Variants in KIAA2012 observed in about 807,000 individuals in gnomAD.
KIAA2012 encodes KIAA2012.
In KIAA2012, 125 loss-of-function variants were observed where a neutral mutation model predicts 150.6. That is an observed-to-expected ratio of 0.83 (90% CI 0.72 to 0.96). The LOEUF is 0.96. KIAA2012 is among the 40% of genes least tolerant of loss of function. The probability of loss-of-function intolerance (pLI) is 0.00; values close to 1 mark genes in which losing one functional copy is unlikely to be tolerated. For missense variants in KIAA2012, 1,219 were observed against 1,354.9 expected, an observed-to-expected ratio of 0.90 and a Z score of 1.57; for synonymous variants, 462 against 504.7, an observed-to-expected ratio of 0.92 and a Z score of 1.13.
At chr2:202,087,271 G>C (rs1689593833) in intron 2 of KIAA2012, among the ~76,000 whole-genome samples, 1 of 152,058 alleles carries the variant, frequency 6.6e-6, no homozygotes, top group Non-Finnish European at 1.5e-5. Context: ...CATGCACTTT[G>C]GGAAGCTGAT....
At chr2:202,145,305 G>A (rs1691272749) in intron 13 of KIAA2012, among the ~76,000 whole-genome samples, 1 of 152,030 alleles carries the variant, frequency 6.6e-6, no homozygotes. Flanking sequence ...TTTGGTTGTG[G>A]AACTTTATTC....
At chr2:202,180,774 G>A (rs368512671) in intron 15 of KIAA2012, among the ~76,000 whole-genome samples, 36 of 152,136 alleles carry the variant, frequency 2.4e-4, no homozygotes, top group Admixed American at 3.3e-4. Flanking sequence ...GTAGTGAGCC[G>A]AGATCGCACC....
In KIAA2012 at chr2:202,175,114, T is replaced by G. The variant is rs915642724; in HGVS notation, c.2120-9639T>G. On this transcript the variant is annotated intron_variant, in intron 15 of 23. Coordinates refer to ENST00000498697, the MANE Select transcript of KIAA2012 (RefSeq NM_001277372.4). Reference sequence around the variant, plus strand: ...CCCTTCCATTTCTTTTTTTTCCCCCTTTTAGTGTATTTGTAGGAAATTGGG... The same window carrying G: ...CCCTTCCATTTCTTTTTTTTCCCCCGTTTAGTGTATTTGTAGGAAATTGGG... 7.2e-5 allele frequency among the ~76,000 whole-genome samples: 11 copies of G among 152,192 alleles called. No individual in the cohort carries two copies. The East Asian group carries it at 9.6e-4, about 13-fold the overall frequency.
Position 202,105,808 on chromosome 2 carries a change from C to A in KIAA2012, c.1372C>A (p.Pro458Thr), listed in dbSNP as rs1690173643. The A allele has an allele frequency of 1.3e-6, 2 of 1,550,566 alleles. No individual in the cohort carries two copies. The highest frequency in any genetic ancestry group is 1.7e-6 in the Non-Finnish European group (2 of 1,147,034). Residue 458 changes from proline (P) to threonine (T), a missense_variant, in exon 9 of 24, where the codon CCT becomes ACT. Coordinates refer to ENST00000498697, the MANE Select transcript of KIAA2012 (RefSeq NM_001277372.4). ...ACCAGAAAGCAGCGAAGAATCCACA[C>A]CTGTGTGGAGACCTCCCCTGAAGCA... ...SEPESSEEST[P>T]VWRPPLKHAS...
intron 15 of KIAA2012, among the ~76,000 whole-genome samples, chr2:202,180,811 C>T (rs952940130): frequency 1.3e-5 from 2 of 152,138 alleles, no homozygotes; most frequent in African/African-American, 2.4e-5. Context: ...GGCGACAGAG[C>T]GAGACTGTCT....
At chr2:202,114,228 C>T (rs1286944580) in intron 11 of KIAA2012, 1 of 153,056 alleles carries the variant, frequency 6.5e-6, no homozygotes, top group Non-Finnish European at 1.5e-5. Context: ...AAGGTTCCTC[C>T]ACCAAAATGA....
intron 2 of KIAA2012, chr2:202,077,223 A>T (rs1689345662): frequency 2.8e-6 from 1 of 352,336 alleles, no homozygotes; most frequent in African/African-American, 2.2e-5. Context: ...CACCTGTACA[A>T]CCAATTCCCT....
chr2:202,077,046 C>T (rs1285217789), intron 2 of KIAA2012: 1 of 457,196 alleles, frequency 2.2e-6, no homozygotes, highest in African/African-American at 2.0e-5. Context: ...TCTGCATTAC[C>T]TCTGTGATAC....
At chr2:202,081,252 C>T (rs1436184878) in intron 2 of KIAA2012, among the ~76,000 whole-genome samples, 3 of 152,212 alleles carry the variant, frequency 2.0e-5, no homozygotes, top group Admixed American at 6.5e-5. Context: ...ATTCTTCCAT[C>T]AACAGACACT....
rs768083237 is a variant in KIAA2012, at chr2:202,169,221, A to G, written c.2119+3865A>G. 2.0e-5 allele frequency among the ~76,000 whole-genome samples: 3 copies of G among 152,222 alleles called. No homozygotes were observed. In the South Asian group the frequency reaches 6.2e-4, roughly 32 times the overall value. ...GGCCTGGTAAATGTTTCCTAAATGA[A>G]TGAATGAGTCAAATGTATGAATGAA... is the stretch of plus-strand genomic sequence containing the variant. On this transcript the variant is annotated intron_variant, in intron 15 of 23. Transcript: ENST00000498697.
chr2:202,085,765 T>C (rs895315770), intron 2 of KIAA2012, among the ~76,000 whole-genome samples: 1 of 152,164 alleles, frequency 6.6e-6, no homozygotes, highest in Non-Finnish European at 1.5e-5. Context: ...CAAAAATATA[T>C]GTAAATACTC....
At chr2:202,189,526 G>C (rs1205509882) in intron 18 of KIAA2012, among the ~76,000 whole-genome samples, 1 of 151,974 alleles carries the variant, frequency 6.6e-6, no homozygotes, top group African/African-American at 2.4e-5. Flanking sequence ...TCCTAACTTC[G>C]TGATCTGCCC....
chr2:202,108,326 A>T (rs1432726718), intron 9 of KIAA2012, among the ~76,000 whole-genome samples: 1 of 152,220 alleles, frequency 6.6e-6, no homozygotes, highest in East Asian at 1.9e-4. Flanking sequence ...TCTCCCTCCT[A>T]GCCACATACA....
intron 13 of KIAA2012, among the ~76,000 whole-genome samples, chr2:202,139,394 C>A (rs978443111): frequency 6.6e-6 from 1 of 152,090 alleles, no homozygotes; most frequent in African/African-American, 2.4e-5. Context: ...GAATCCAGGG[C>A]CTCGGAGAAC....
At chr2:202,100,936 T>C (rs894940795) in intron 7 of KIAA2012, among the ~76,000 whole-genome samples, 1 of 152,196 alleles carries the variant, frequency 6.6e-6, no homozygotes, top group Non-Finnish European at 1.5e-5. Context: ...TTTAGAGATG[T>C]CCTTGGCTGT....
chr2:202,096,924 T>C (rs1440313715), intron 4 of KIAA2012, among the ~76,000 whole-genome samples: 1 of 152,148 alleles, frequency 6.6e-6, no homozygotes, highest in African/African-American at 2.4e-5. Flanking sequence ...TAAACAGCAG[T>C]CTTACCTCAG....
chr2:202,163,796 TTTTTTTTTTTTTC>T (rs1213399919), intron 14 of KIAA2012, among the ~76,000 whole-genome samples: 3 of 90,194 alleles, frequency 3.3e-5, no homozygotes, highest in South Asian at 3.9e-4. Context: ...TTTTTTTTTT[TTTTTTTTTTTTTC>T]CTGTACCAGG....
intron 2 of KIAA2012, among the ~76,000 whole-genome samples, chr2:202,076,633 A>G (rs1689330426): frequency 6.6e-6 from 1 of 152,212 alleles, no homozygotes; most frequent in Non-Finnish European, 1.5e-5. Flanking sequence ...CCTTGTATAG[A>G]TGAGGAAACC....
At chr2:202,195,005 T>C (rs2105751111) in intron 21 of KIAA2012, among the ~76,000 whole-genome samples, 1 of 151,784 alleles carries the variant, frequency 6.6e-6, no homozygotes, top group South Asian at 2.1e-4. Context: ...CCTGACGTCA[T>C]GATCTGCCTG....
Sources: allele counts gnomAD v4.1 joint callset (sites outside exome capture counted in the v4.1 genomes callset), GRCh38; gene constraint gnomAD v4.1.1; transcripts MANE v1.5; gene names NCBI Gene and HGNC (gene_info 2026-07-23, HGNC 2026-07-21).